Variants in EAPP observed in about 807,000 individuals in gnomAD.
The protein encoded by EAPP is E2F associated phosphoprotein.
A neutral mutation model predicts 34.3 loss-of-function variants in EAPP; 38 were observed. The observed-to-expected ratio is 1.11, with a 90% CI of 0.85 to 1.45. The LOEUF (loss-of-function observed/expected upper bound fraction) is 1.45, where lower values mean the gene tolerates loss of function less well. Ranked by LOEUF, EAPP falls within the 40% of genes most tolerant of loss-of-function variation. The probability of loss-of-function intolerance (pLI) is 0.00; values close to 1 mark genes in which losing one functional copy is unlikely to be tolerated. For synonymous variants in EAPP, 113 were observed against 117.6 expected (o/e 0.96, Z 0.25); for missense variants, 338 against 343.7 (o/e 0.98, Z 0.13).
intron 3 of EAPP, 72 bp from the exon 4 acceptor site, chr14:34,529,547 C>A: frequency 9.0e-7 from 1 of 1,108,264 alleles, no homozygotes; most frequent in South Asian, 1.3e-5. Context: ...TGAAGAGTCT[C>A]ATTTCCCAAG....
intron 5 of EAPP, among the ~76,000 whole-genome samples, chr14:34,519,682 C>A (rs1879849652): frequency 6.6e-6 from 1 of 152,144 alleles, no homozygotes; most frequent in Admixed American, 6.6e-5. Context: ...AATACAACTA[C>A]TGGCATTTTG....
intron 5 of EAPP, among the ~76,000 whole-genome samples, chr14:34,517,150 G>A (rs1449469439): frequency 4.6e-5 from 7 of 151,798 alleles, no homozygotes; most frequent in African/African-American, 1.7e-4. Context: ...GTGTTAGCCA[G>A]GATGGTCTCG....
At chr14:34,524,657 A>ATGTGGGTG in intron 5 of EAPP, 40 bp downstream of exon 5, 1 of 853,968 alleles carries the variant, frequency 1.2e-6, no homozygotes, top group Non-Finnish European at 1.9e-6. Context: ...CAAAATATGT[A>ATGTGGGTG]TGTGTGTGTG....
chr14:34,516,729 A>C (rs1879745402), intron 5 of EAPP, 143 bp from the exon 6 acceptor site: 2 of 794,246 alleles, frequency 2.5e-6, no homozygotes, highest in Non-Finnish European at 1.9e-6. Context: ...AGTTTAAAGA[A>C]ATTTTAAACA....
chr14:34,533,945 A>G (rs1880379812), intron 2 of EAPP, among the ~76,000 whole-genome samples: 1 of 152,138 alleles, frequency 6.6e-6, no homozygotes. Flanking sequence ...TGAGTCAAGG[A>G]CACATTCTTC....
intron 5 of EAPP, among the ~76,000 whole-genome samples, chr14:34,522,701 C>T (rs1034854483): frequency 1.3e-5 from 2 of 152,300 alleles, no homozygotes; most frequent in East Asian, 3.9e-4. Context: ...AAACACTGAG[C>T]GTGCTGCCTG....
chr14:34,522,735 T>C (rs1879959546), intron 5 of EAPP, among the ~76,000 whole-genome samples: 1 of 152,090 alleles, frequency 6.6e-6, no homozygotes, highest in African/African-American at 2.4e-5. Context: ...GGGGGGTGGG[T>C]CCCAAAGAGG....
At chr14:34,535,054 G>C (rs192223767) in intron 2 of EAPP, among the ~76,000 whole-genome samples, 10 of 151,240 alleles carry the variant, frequency 6.6e-5, no homozygotes, top group African/African-American at 2.2e-4. Context: ...GGCCAGGCTG[G>C]TCTCAAACTC....
intron 4 of EAPP, among the ~76,000 whole-genome samples, chr14:34,528,718 C>A (rs1165649589): frequency 6.6e-6 from 1 of 151,532 alleles, no homozygotes; most frequent in Non-Finnish European, 1.5e-5. Context: ...ACCACCCTGG[C>A]CCATCCACAT....
At chr14:34,530,922 A>AAAAAG (rs1334543930) in intron 3 of EAPP, among the ~76,000 whole-genome samples, 1 of 150,056 alleles carries the variant, frequency 6.7e-6, no homozygotes, top group Non-Finnish European at 1.5e-5. Flanking sequence ...AAAAAAAAAA[A>AAAAAG]AAAAGAAAGA....
chr14:34,537,484 C>T (rs1880515469), intron 1 of EAPP, among the ~76,000 whole-genome samples: 2 of 152,328 alleles, frequency 1.3e-5, no homozygotes, highest in Non-Finnish European at 2.9e-5. Flanking sequence ...GGCAGTCATA[C>T]ATCATGGACC....
At chr14:34,538,485 A>G (rs1880549465) in intron 1 of EAPP, among the ~76,000 whole-genome samples, 1 of 152,202 alleles carries the variant, frequency 6.6e-6, no homozygotes, top group African/African-American at 2.4e-5. Context: ...GAATCCTGGT[A>G]TCTATCCTCA....
intron 4 of EAPP, among the ~76,000 whole-genome samples, chr14:34,528,016 A>G (rs975479329): frequency 6.6e-6 from 1 of 151,596 alleles, no homozygotes. Context: ...CTACTCCATA[A>G]GCAGTGTACC....
chr14:34,532,921 C>T (rs1184921477), intron 3 of EAPP, among the ~76,000 whole-genome samples: 1 of 152,186 alleles, frequency 6.6e-6, no homozygotes, highest in Admixed American at 6.6e-5. Flanking sequence ...AGGCAATCTG[C>T]CCACCTCTGC....
rs1188755276 is a variant in EAPP, at chr14:34,539,700, C to G, written c.-72G>C. 1 of 1,413,766 alleles carries G rather than the reference C, an allele frequency of 7.1e-7. No individual in the cohort carries two copies. The highest frequency in any genetic ancestry group is 9.4e-7 in the Non-Finnish European group (1 of 1,066,324). 87.6% of individuals were successfully genotyped at this position (1,413,766 alleles called of 1,614,324 possible). ...TCTGTTTACACTGCAAGTCCAGTCC[C>G]TAAAGCGCCCCTGACGCCACTTCCG... On this transcript the variant is annotated 5_prime_UTR_variant, in exon 1 of 6. Coordinates refer to ENST00000250454, the MANE Select transcript of EAPP (RefSeq NM_018453.4).
Position 34,536,146 on chromosome 14 carries a change from T to C in EAPP, c.204A>G (p.Glu68=), listed in dbSNP as rs1880465310. The change falls in exon 2 of 6, where the codon GAA becomes GAG. Residue 68 remains glutamate (E), a synonymous_variant. Coordinates refer to ENST00000250454, the MANE Select transcript of EAPP (RefSeq NM_018453.4). ...EDEFEKEMEA[E]LNSTMKTMED... ...CCATTGTTTTCATGGTAGAATTTAA[T>C]TCAGCTTCCATCTCCTTTTCAAATT... is the stretch of plus-strand genomic sequence containing the variant. The C allele has an allele frequency of 6.2e-7, 1 of 1,613,096 alleles. No homozygotes were observed.
chr14:34,532,737 C>T (rs906497123), intron 3 of EAPP, among the ~76,000 whole-genome samples: 3 of 148,404 alleles, frequency 2.0e-5, no homozygotes, highest in East Asian at 2.0e-4. Flanking sequence ...TGCAATGATG[C>T]GATCTCAGCT....
intron 4 of EAPP, among the ~76,000 whole-genome samples, chr14:34,526,981 A>G (rs548830979): frequency 2.2e-4 from 33 of 151,406 alleles, no homozygotes; most frequent in Middle Eastern, 3.4e-3. Context: ...GACCAGCCTG[A>G]CCAACATGGA....
intron 5 of EAPP, among the ~76,000 whole-genome samples, chr14:34,521,676 G>A (rs556076728): frequency 1.6e-3 from 223 of 142,684 alleles, no homozygotes; most frequent in Middle Eastern, 3.8e-3. Context: ...GCTCCATTGC[G>A]CAGGCTGGAA....
Sources: allele counts gnomAD v4.1 joint callset (sites outside exome capture counted in the v4.1 genomes callset), GRCh38; gene constraint gnomAD v4.1.1; transcripts MANE v1.5; gene names NCBI Gene and HGNC (gene_info 2026-07-23, HGNC 2026-07-21).